Variants in FAM124A observed in about 807,000 individuals in gnomAD.
FAM124A encodes family with sequence similarity 124 member A, also known as protein FAM124A.
FAM124A carries 23 observed loss-of-function variants against 24.5 expected under a neutral mutation model. That is an observed-to-expected ratio of 0.94 (90% CI 0.68 to 1.33). The LOEUF (loss-of-function observed/expected upper bound fraction) is 1.33. Ranked by LOEUF, FAM124A falls within the 40% of genes most tolerant of loss-of-function variation. The probability of loss-of-function intolerance (pLI) is 0.00; values close to 1 mark genes in which losing one functional copy is unlikely to be tolerated. For missense variants in FAM124A, 623 were observed against 722.8 expected, an observed-to-expected ratio of 0.86 and a Z score of 1.58; for synonymous variants, 287 against 314.7, an observed-to-expected ratio of 0.91 and a Z score of 0.93.
Position 51,251,645 on chromosome 13 carries a change from C to T in FAM124A, c.278C>T (p.Pro93Leu). The change falls in exon 3 of 4, where the codon CCC becomes CTC. Residue 93 changes from proline to leucine, a missense_variant. Transcript: ENST00000322475. The surrounding 1 kb of genome is among the most constrained non-coding windows in gnomAD (Gnocchi z 5.3). ...CGGGCGTCCCGGCGGCGGCGGAAGC[C>T]CCCCAAGGGCGCTCAGCCAGCGCTG... Reference protein sequence around the residue: ...ERRASRRRRKPPKGAQPALAV... With the variant: ...ERRASRRRRKLPKGAQPALAV... The T allele has an allele frequency of 6.4e-7, 1 of 1,572,882 alleles. No individual in the cohort carries two copies. Among genetic ancestry groups the T allele is most frequent in the South Asian group, 1.2e-5 (1 of 86,170 alleles).
intron 3 of FAM124A, among the ~76,000 whole-genome samples, chr13:51,254,452 G>A (rs1328106097): frequency 6.6e-6 from 1 of 152,012 alleles, no homozygotes; most frequent in African/African-American, 2.4e-5. Flanking sequence ...GTTTTTTACT[G>A]AGATCAGATA....
intron 2 of FAM124A, among the ~76,000 whole-genome samples, chr13:51,238,697 G>A (rs1318758894): frequency 6.6e-6 from 1 of 152,208 alleles, no homozygotes; most frequent in Non-Finnish European, 1.5e-5. Context: ...CCTCTGAGAT[G>A]AAGGAATCTA....
At chr13:51,248,134 A>T (rs994752378) in intron 2 of FAM124A, among the ~76,000 whole-genome samples, 2 of 152,220 alleles carry the variant, frequency 1.3e-5, no homozygotes, top group Non-Finnish European at 2.9e-5. Context: ...TCCAGTTGCC[A>T]AAGGACATCT....
chr13:51,269,531 G>A (rs1407430557), intron 3 of FAM124A, among the ~76,000 whole-genome samples: 1 of 152,148 alleles, frequency 6.6e-6, no homozygotes, highest in Non-Finnish European at 1.5e-5. Flanking sequence ...GAATTGATTA[G>A]ATTTACAAGA....
chr13:51,223,044 G>T (rs906552989), intron 1 of FAM124A, among the ~76,000 whole-genome samples: 5 of 152,114 alleles, frequency 3.3e-5, no homozygotes, highest in African/African-American at 1.2e-4. Context: ...GCTTCATCGT[G>T]GGACTTTAAT....
At chr13:51,246,280 T>C (rs1251339158) in intron 2 of FAM124A, among the ~76,000 whole-genome samples, 3 of 152,098 alleles carry the variant, frequency 2.0e-5, no homozygotes, top group Admixed American at 6.5e-5. Context: ...CACAGTCATG[T>C]CGTCTGTGTT....
chr13:51,266,116 T>C (rs1447594913), intron 3 of FAM124A, among the ~76,000 whole-genome samples: 2 of 152,238 alleles, frequency 1.3e-5, no homozygotes, highest in Non-Finnish European at 1.5e-5. Flanking sequence ...GAAAGTTTTA[T>C]AATAAACATT....
rs1358163039 is a variant in FAM124A, at chr13:51,251,966, A to G, written c.599A>G (p.Gln200Arg). 1.2e-6 allele frequency: 2 copies of G among 1,614,238 alleles called. No individual in the cohort carries two copies. The highest frequency in any genetic ancestry group is 1.7e-6 in the Non-Finnish European group (2 of 1,180,042). ...YQLILRRSPS[Q>R]KKADFCIFPI... is the part of the protein sequence containing the mutation. ...CTGATTCTCCGGAGGAGCCCCAGCC[A>G]GAAGAAAGCGGACTTCTGCATCTTC... Residue 200 changes from glutamine to arginine, a missense_variant, in exon 3 of 4, where the codon CAG becomes CGG. Physicochemically the swap from Gln to Arg is conservative, Grantham distance 43. Coordinates refer to ENST00000322475, the MANE Select transcript of FAM124A (RefSeq NM_001242312.2). The surrounding 1 kb of genome is among the most constrained non-coding windows in gnomAD (Gnocchi z 5.3).
At chr13:51,222,593 C>T in intron 1 of FAM124A, 24 bp downstream of exon 1, 1 of 1,220,764 alleles carries the variant, frequency 8.2e-7, no homozygotes, top group Non-Finnish European at 1.0e-6. Flanking sequence ...GGCCGGGCCG[C>T]GGGCGGGGGG....
intron 3 of FAM124A, among the ~76,000 whole-genome samples, chr13:51,260,685 G>A (rs1954726505): frequency 6.6e-6 from 1 of 152,206 alleles, no homozygotes; most frequent in Admixed American, 6.5e-5. Flanking sequence ...TAGGACTGGA[G>A]TGGATGGAGG....
chr13:51,252,452 T>A, intron 3 of FAM124A: 1 of 566,260 alleles, frequency 1.8e-6, no homozygotes. Context: ...CAGCTGCCCC[T>A]TCTGTCCTCC....
chr13:51,275,911 G>A (rs1211959213), intron 3 of FAM124A, among the ~76,000 whole-genome samples: 1 of 152,220 alleles, frequency 6.6e-6, no homozygotes, highest in Non-Finnish European at 1.5e-5. Flanking sequence ...CACCAAATGA[G>A]GGGAAGTGGC....
intron 2 of FAM124A, among the ~76,000 whole-genome samples, chr13:51,234,526 C>T (rs749345576): frequency 7.2e-5 from 11 of 152,160 alleles, no homozygotes; most frequent in Non-Finnish European, 1.2e-4. Flanking sequence ...GCTCTTGGGT[C>T]ATTCACCCTC....
chr13:51,243,691 AC>A (rs1954526362), intron 2 of FAM124A, among the ~76,000 whole-genome samples: 2 of 151,614 alleles, frequency 1.3e-5, no homozygotes, highest in South Asian at 4.2e-4. Context: ...CCGCCACCAC[AC>A]CCGGCTAATT....
In FAM124A at chr13:51,283,476, C is replaced by A. The variant is rs1389482473; in HGVS notation, c.*2220C>A. 1 of 152,172 alleles carries A rather than the reference C, an allele frequency of 6.6e-6. No individual in the cohort carries two copies. The highest frequency in any genetic ancestry group is 1.5e-5 in the Non-Finnish European group (1 of 68,070). 9.4% of individuals were successfully genotyped at this position (152,172 alleles called of 1,614,324 possible). ...CCAGTCAACAACAAAAATTCTAAGT[C>A]TCCCGCCTAATGCTGCTGTGGTGTG... On this transcript the variant is annotated 3_prime_UTR_variant, in exon 4 of 4. Coordinates refer to ENST00000322475, the MANE Select transcript of FAM124A (RefSeq NM_001242312.2).
At chr13:51,231,781 T>C (rs1954379790) in intron 2 of FAM124A, among the ~76,000 whole-genome samples, 1 of 152,244 alleles carries the variant, frequency 6.6e-6, no homozygotes, top group South Asian at 2.1e-4. Flanking sequence ...CTTGCATGTC[T>C]GCATCTGCAG....
intron 3 of FAM124A, among the ~76,000 whole-genome samples, chr13:51,265,980 T>C (rs973254100): frequency 7.2e-5 from 11 of 152,248 alleles, no homozygotes; most frequent in African/African-American, 2.4e-4. Flanking sequence ...TTATATTACA[T>C]ATATACTCAT....
intron 3 of FAM124A, among the ~76,000 whole-genome samples, chr13:51,274,104 G>A (rs1392341498): frequency 6.6e-6 from 1 of 152,134 alleles, no homozygotes; most frequent in African/African-American, 2.4e-5. Flanking sequence ...TTTCTCTGTT[G>A]TTCCTCCTTA....
chr13:51,270,180 G>A (rs140820118), intron 3 of FAM124A, among the ~76,000 whole-genome samples: 20 of 152,254 alleles, frequency 1.3e-4, no homozygotes, highest in African/African-American at 4.8e-4. Flanking sequence ...TAGCCTTAAG[G>A]GTCCCCAGCA....
Sources: allele counts gnomAD v4.1 joint callset (sites outside exome capture counted in the v4.1 genomes callset), GRCh38; gene constraint gnomAD v4.1.1; non-coding constraint Gnocchi (gnomAD v3.1); transcripts MANE v1.5; gene names NCBI Gene and HGNC (gene_info 2026-07-23, HGNC 2026-07-21).